GJC2: variants seen among roughly 807,000 people sequenced by gnomAD.
GJC2 encodes gap junction gamma-2 protein.
For synonymous variants in GJC2, 336 were observed against 307.5 expected (o/e 1.09, Z -0.97); for missense variants, 647 against 648.9 (o/e 1.00, Z 0.03).
rs1378630033 is a variant in GJC2 at position 228,151,507 on chromosome 1, T to C, written c.-20+1500T>C. On this transcript the variant is annotated intron_variant, in intron 1 of 1. Transcript: ENST00000366714. The surrounding 1 kb of genome is among the most constrained non-coding windows in gnomAD (Gnocchi z 5.4). ...GAGGTTGAGTCTGAATAGGGAGGGT[T>C]CATGGCTATGTGTGAGAGTGAGTGT... Among the ~76,000 whole-genome samples, 1 of 152,048 alleles carries C rather than the reference T, an allele frequency of 6.6e-6. No individual in the cohort carries two copies. The highest frequency in any genetic ancestry group is 1.5e-5 in the Non-Finnish European group (1 of 67,962).
At position 228,158,574 on chromosome 1, in the gene GJC2, C is replaced by T; in HGVS notation, c.816C>T (p.Tyr272=). 6.2e-7 allele frequency: 1 copy of T among 1,612,480 alleles called. No homozygotes were observed. Among genetic ancestry groups the T allele is most frequent in the Non-Finnish European group, 8.5e-7 (1 of 1,179,454 alleles). ...TEKTVFLLVM[Y]VVSCLCLLLN... is the part of the protein sequence containing the mutation. ...AGACGGTCTTCCTGCTGGTTATGTACGTGGTCAGCTGCCTGTGCCTGCTGC... is the reference window on the plus strand; with the variant it reads ...AGACGGTCTTCCTGCTGGTTATGTATGTGGTCAGCTGCCTGTGCCTGCTGC... Residue 272 remains tyrosine, a synonymous_variant, in exon 2 of 2, where the codon TAC becomes TAT. Transcript: ENST00000366714. The surrounding 1 kb of genome is among the most constrained non-coding windows in gnomAD (Gnocchi z 8.3).
rs1558117306 is a variant in GJC2, at chr1:228,150,727, C to T, written c.-20+720C>T. 6.6e-6 allele frequency among the ~76,000 whole-genome samples: 1 copy of T among 152,184 alleles called. No homozygotes were observed. Among genetic ancestry groups the T allele is most frequent in the East Asian group, 1.9e-4 (1 of 5,158 alleles). On this transcript the variant is annotated intron_variant, in intron 1 of 1. Coordinates refer to ENST00000366714, the MANE Select transcript of GJC2 (RefSeq NM_020435.4). This position sits in a 1 kb window ranked among gnomAD's most constrained non-coding sequence, Gnocchi z 4.6. ...CCCCAGGGCTGCTGCGCAGGGAGGC[C>T]ACAGCCCAGGCGCGGGGGCCCCCAT...
rs1247677720 is a variant in GJC2 at position 228,158,974 on chromosome 1, C to G, written c.1216C>G (p.Gln406Glu). 1 of 1,595,346 alleles carries G rather than the reference C, an allele frequency of 6.3e-7. No individual in the cohort carries two copies. The highest frequency in any genetic ancestry group is 8.5e-7 in the Non-Finnish European group (1 of 1,172,810). The change falls in exon 2 of 2, where the codon CAG becomes GAG. Residue 406 changes from glutamine (Q) to glutamate (E), a missense_variant. Coordinates refer to ENST00000366714, the MANE Select transcript of GJC2 (RefSeq NM_020435.4). The surrounding 1 kb of genome is among the most constrained non-coding windows in gnomAD (Gnocchi z 8.3). ...TACCTCTGCGGGCACTGTCGGGGAG[C>G]AGGGCCGGCCCGGCACCCACGAGCG... is the stretch of plus-strand genomic sequence containing the variant. ...SATSAGTVGE[Q>E]GRPGTHERPG...
chr1:228,154,599 A>G (rs541433071), intron 1 of GJC2, among the ~76,000 whole-genome samples: 34 of 151,206 alleles, frequency 2.2e-4, no homozygotes, highest in Admixed American at 8.8e-4. Flanking sequence ...CCTCCAGTAC[A>G]GAGTGTCCAC....
chr1:228,157,596 C>T (rs1457375519), intron 1 of GJC2, 144 bp from the exon 2 acceptor site: 4 of 609,116 alleles, frequency 6.6e-6, no homozygotes, highest in African/African-American at 1.9e-5. Context: ...TGGGGGCTTC[C>T]ACTTCCGTTT....
rs2034741058 is a variant in GJC2, at chr1:228,159,413, C to T, written c.*335C>T. ...ATGCCAGCTCTCCCCTTTGTGCTTC[C>T]CTGCAGCAACCCATGGAGGGCCCAG... On this transcript the variant is annotated 3_prime_UTR_variant, in exon 2 of 2. Transcript: ENST00000366714. The surrounding 1 kb of genome is among the most constrained non-coding windows in gnomAD (Gnocchi z 4.0). 3.2e-6 allele frequency: 1 copy of T among 307,974 alleles called. No individual in the cohort carries two copies. Among genetic ancestry groups the T allele is most frequent in the Admixed American group, 4.8e-5 (1 of 20,792 alleles). The allele number at this position is 307,974 out of a possible 1,614,324, so 19.1% of individuals were successfully genotyped here.
chr1:228,152,853 C>T lies in GJC2; in HGVS notation c.-20+2846C>T, dbSNP rs983947749. On this transcript the variant is annotated intron_variant, in intron 1 of 1. Coordinates refer to ENST00000366714, the MANE Select transcript of GJC2 (RefSeq NM_020435.4). The surrounding 1 kb of genome is among the most constrained non-coding windows in gnomAD (Gnocchi z 7.3). The stretch of plus-strand genomic sequence containing the variant: ...AGACCTGGGCCAGGCAGCGTCCTGG[C>T]TGGTGGCCTCCTGTGGTCACCCCCC... 6.6e-6 allele frequency among the ~76,000 whole-genome samples: 1 copy of T among 152,114 alleles called. No individual in the cohort carries two copies. The highest frequency in any genetic ancestry group is 2.1e-4 in the South Asian group (1 of 4,826).
rs2034710201 is a variant in GJC2, at chr1:228,158,080, C to G, written c.322C>G (p.Gln108Glu). ...GCACCGCCTGGCCCGTGCGTCTGAG[C>G]AGGAGCGGCGCCGCGCCCTCCGCCG... ...AVHRLARASE[Q>E]ERRRALRRRP... The change falls in exon 2 of 2, where the codon CAG becomes GAG. Residue 108 changes from glutamine (Q) to glutamate (E), a missense_variant. Physicochemically the swap from Gln to Glu is conservative, Grantham distance 29. Coordinates refer to ENST00000366714, the MANE Select transcript of GJC2 (RefSeq NM_020435.4). The surrounding 1 kb of genome is among the most constrained non-coding windows in gnomAD (Gnocchi z 8.3). 1.9e-6 allele frequency: 3 copies of G among 1,589,864 alleles called. No individual in the cohort carries two copies. In the South Asian group the frequency reaches 3.3e-5, roughly 18 times the overall value.
At position 228,159,229 on chromosome 1, in the gene GJC2, GA is replaced by G; in HGVS notation, c.*154del. ...AGCCAGGCTGCTCAGGGAAGGGGCT[GA>G]AAGCGGCAGAGGAGTGCCCTGGCTT... On this transcript the variant is annotated 3_prime_UTR_variant, in exon 2 of 2. Transcript: ENST00000366714. The surrounding 1 kb of genome is among the most constrained non-coding windows in gnomAD (Gnocchi z 4.0). The G allele has an allele frequency of 2.2e-6, 2 of 921,058 alleles. No homozygotes were observed. The highest frequency in any genetic ancestry group is 5.4e-5 in the East Asian group (2 of 37,178). 57.1% of individuals were successfully genotyped at this position (921,058 alleles called of 1,614,324 possible). A position where few individuals can be genotyped will look rare whatever the true frequency, so the allele number is the denominator to read the frequency against.
rs535282333 is a variant in GJC2, at chr1:228,158,908, C to T, written c.1150C>T (p.Pro384Ser). ...CGGCCTCCCTGCGGCCTCCCGGGGG[C>T]CCCCCAGAGCAGGCGCCCCCGCGTC... ...CVGLPAASRG[P>S]PRAGAPASRT... The change falls in exon 2 of 2, where the codon CCC becomes TCC. Residue 384 changes from proline (P) to serine (S), a missense_variant. By Grantham distance (74) the Pro-to-Ser change is moderately conservative (BLOSUM62 -1). Transcript: ENST00000366714. The surrounding 1 kb of genome is among the most constrained non-coding windows in gnomAD (Gnocchi z 8.3). 2.1e-4 allele frequency: 308 copies of T among 1,488,928 alleles called. 2 individuals are homozygous for T. In the Middle Eastern group the frequency reaches 3.4e-3, roughly 16 times the overall value. 92.2% of individuals were successfully genotyped at this position (1,488,928 alleles called of 1,614,324 possible).
rs891354098 is a variant in GJC2, at chr1:228,158,738, T to A, written c.980T>A (p.Leu327Ter). Reference protein sequence around the residue: ...PCAFPAAAAGLACPPDYSLVV... With the variant: ...PCAFPAAAAG ...GCCTTCCCTGCGGCGGCCGCTGGCT[T>A]GGCCTGCCCGCCCGACTACAGCCTG... The change falls in exon 2 of 2, where the codon TTG (leucine) becomes TAG (stop). Residue 327 changes from leucine to a stop codon, truncating the protein, a stop_gained. Transcript: ENST00000366714. LOFTEE classifies it low-confidence loss of function (END_TRUNC). This position sits in a 1 kb window ranked among gnomAD's most constrained non-coding sequence, Gnocchi z 8.3. 31 of 1,361,916 alleles carry A rather than the reference T, an allele frequency of 2.3e-5. No individual in the cohort carries two copies. The highest frequency in any genetic ancestry group is 2.7e-5 in the Non-Finnish European group (28 of 1,054,554). 84.4% of individuals were successfully genotyped at this position (1,361,916 alleles called of 1,614,324 possible).
Position 228,158,641 on chromosome 1 carries a change from C to G in GJC2, c.883C>G (p.Gln295Glu), listed in dbSNP as rs1375875748. 5 of 1,603,200 alleles carry G rather than the reference C, an allele frequency of 3.1e-6. No individual in the cohort carries two copies. The highest frequency in any genetic ancestry group is 4.3e-6 in the Non-Finnish European group (5 of 1,175,910). ...EMAHLGLGSA[Q>E]DAVRGRRGPP... The stretch of plus-strand genomic sequence containing the variant: ...GGCCCACCTGGGCTTGGGCAGCGCG[C>G]AGGACGCGGTGCGCGGCCGCCGCGG... The change falls in exon 2 of 2, where the codon CAG (glutamine) becomes GAG (glutamate). Residue 295 changes from glutamine to glutamate, a missense_variant. Gln to Glu is a conservative substitution (Grantham distance 29). Transcript: ENST00000366714. This position sits in a 1 kb window ranked among gnomAD's most constrained non-coding sequence, Gnocchi z 8.3.
intron 1 of GJC2, among the ~76,000 whole-genome samples, chr1:228,157,301 G>C (rs1017154777): frequency 1.7e-4 from 26 of 152,030 alleles, no homozygotes; most frequent in African/African-American, 6.3e-4. Context: ...AGGACTGAGG[G>C]CTGATGGGGC....
chr1:228,155,148 ACAGCCT>A (rs2034664028), intron 1 of GJC2, among the ~76,000 whole-genome samples: 1 of 152,216 alleles, frequency 6.6e-6, no homozygotes, highest in African/African-American at 2.4e-5. Context: ...TGACACAGCG[ACAGCCT>A]CAGGGAAGGG....
At position 228,158,957 on chromosome 1, in the gene GJC2, C is replaced by A. The variant is rs761261049; in HGVS notation, c.1199C>A (p.Ala400Glu). The stretch of plus-strand genomic sequence containing the variant: ...TCCCGGACGGGCAGTGCTACCTCTG[C>A]GGGCACTGTCGGGGAGCAGGGCCGG... ...PASRTGSATSAGTVGEQGRPG... is the reference protein window; with the variant it reads ...PASRTGSATSEGTVGEQGRPG... The change falls in exon 2 of 2, where the codon GCG becomes GAG. Residue 400 changes from alanine to glutamate, a missense_variant. Physicochemically the swap from Ala to Glu is moderately radical, Grantham distance 107 (BLOSUM62 -1). Coordinates refer to ENST00000366714, the MANE Select transcript of GJC2 (RefSeq NM_020435.4). The surrounding 1 kb of genome is among the most constrained non-coding windows in gnomAD (Gnocchi z 8.3). The A allele has an allele frequency of 9.2e-5, 145 of 1,579,334 alleles. 1 individual carries two copies. In the East Asian group the frequency reaches 3.2e-3, roughly 35 times the overall value.
At position 228,159,821 on chromosome 1, in the gene GJC2, T is replaced by C; in HGVS notation, c.*743T>C. The C allele has an allele frequency of 6.0e-6, 1 of 167,164 alleles. No individual in the cohort carries two copies. 10.4% of individuals were successfully genotyped at this position (167,164 alleles called of 1,614,324 possible). The stretch of plus-strand genomic sequence containing the variant: ...AGGGAGTAAAATAAAACTAACTTGT[T>C]TATAACCTTGTGTGTGCATGTGTAT... On this transcript the variant is annotated 3_prime_UTR_variant, in exon 2 of 2. Coordinates refer to ENST00000366714, the MANE Select transcript of GJC2 (RefSeq NM_020435.4). This position sits in a 1 kb window ranked among gnomAD's most constrained non-coding sequence, Gnocchi z 4.0.
Position 228,158,350 on chromosome 1 carries a change from C to T in GJC2, c.592C>T (p.His198Tyr), listed in dbSNP as rs1243155403. ...AGGGACCCCGGGCCCGACCGGGCAACACGATGGGCGGAGGCGCATCCAGCG... is the reference window on the plus strand; with the variant it reads ...AGGGACCCCGGGCCCGACCGGGCAATACGATGGGCGGAGGCGCATCCAGCG... ...AAGTPGPTGQ[H>Y]DGRRRIQREG... Residue 198 changes from histidine to tyrosine, a missense_variant, in exon 2 of 2, where the codon CAC (histidine) becomes TAC (tyrosine). Coordinates refer to ENST00000366714, the MANE Select transcript of GJC2 (RefSeq NM_020435.4). The surrounding 1 kb of genome is among the most constrained non-coding windows in gnomAD (Gnocchi z 8.3). The T allele has an allele frequency of 1.9e-6, 3 of 1,587,370 alleles. No individual in the cohort carries two copies.
intron 1 of GJC2, among the ~76,000 whole-genome samples, chr1:228,157,047 G>A (rs1222559936): frequency 6.6e-6 from 1 of 152,102 alleles, no homozygotes; most frequent in East Asian, 1.9e-4. Flanking sequence ...CGGAGCCCTG[G>A]GACCCTGGGC....
intron 1 of GJC2, among the ~76,000 whole-genome samples, chr1:228,156,147 CGT>C (rs902741534): frequency 4.6e-5 from 7 of 152,018 alleles, no homozygotes; most frequent in Admixed American, 1.3e-4. Context: ...CCTGATCACA[CGT>C]GTGTGTGTGT....
Sources: allele counts gnomAD v4.1 joint callset (sites outside exome capture counted in the v4.1 genomes callset), GRCh38; gene constraint gnomAD v4.1.1; non-coding constraint Gnocchi (gnomAD v3.1); transcripts MANE v1.5; gene names NCBI Gene and HGNC (gene_info 2026-07-23, HGNC 2026-07-21).